CEL: variants seen among roughly 807,000 people sequenced by gnomAD.
The protein encoded by CEL is carboxyl ester lipase.
A neutral mutation model predicts 57.1 loss-of-function variants in CEL; 39 were observed. The observed-to-expected ratio is 0.68, with a 90% confidence interval of 0.53 to 0.89. The LOEUF is 0.89. Ranked by LOEUF, CEL falls within the 40% of genes least tolerant of loss-of-function variation. The pLI, the probability that CEL is intolerant of heterozygous loss-of-function variation, is 0.00. For synonymous variants in CEL, 314 were observed against 396.6 expected (o/e 0.79, Z 2.48); for missense variants, 698 against 915.0 (o/e 0.76, Z 3.06).
At position 133,066,450 on chromosome 9, in the gene CEL, C is replaced by T; in HGVS notation, c.539-80C>T. ...CAACTCTGTTGAGGGCATTTCCACC[C>T]CACCTATGCTGATCTCCCCTCCTGG... On this transcript the variant is annotated intron_variant, in intron 4 of 10. Transcript: ENST00000372080. This position sits in a 1 kb window ranked among gnomAD's most constrained non-coding sequence, Gnocchi z 4.3. The T allele has an allele frequency of 6.3e-7, 1 of 1,577,456 alleles. No individual in the cohort carries two copies. Among genetic ancestry groups the T allele is most frequent in the Non-Finnish European group, 8.7e-7 (1 of 1,152,176 alleles).
Position 133,064,672 on chromosome 9 carries a change from T to C in CEL, c.250T>C (p.Cys84Arg). 1 of 1,614,000 alleles carries C rather than the reference T, an allele frequency of 6.2e-7. No homozygotes were observed. The highest frequency in any genetic ancestry group is 8.5e-7 in the Non-Finnish European group (1 of 1,179,990). Reference sequence around the variant, plus strand: ...GAAGGCCAAGAACTTCAAGAAGAGATGCCTGCAGGCCACCATCACCCAGGA... The same window carrying C: ...GAAGGCCAAGAACTTCAAGAAGAGACGCCTGCAGGCCACCATCACCCAGGA... Reference protein sequence around the residue: ...TLKAKNFKKRCLQATITQDST... With the variant: ...TLKAKNFKKRRLQATITQDST... The change falls in exon 3 of 11, where the codon TGC becomes CGC. Residue 84 changes from cysteine to arginine, a missense_variant. Physicochemically the swap from Cys to Arg is radical, Grantham distance 180 (BLOSUM62 -3). Coordinates refer to ENST00000372080, the MANE Select transcript of CEL (RefSeq NM_001807.6).
Position 133,065,197 on chromosome 9 carries a change from C to T in CEL, c.498C>T (p.Gly166=), listed in dbSNP as rs777445709. 1.2e-6 allele frequency: 2 copies of T among 1,613,746 alleles called. No individual in the cohort carries two copies. Among genetic ancestry groups the T allele is most frequent in the East Asian group, 2.2e-5 (1 of 44,886 alleles). ...VIVVTFNYRV[G]PLGFLSTGDA... ...TGGTCACCTTCAACTACCGTGTCGG[C>T]CCCCTTGGGTTCCTCAGCACTGGGG... The change falls in exon 4 of 11, where the codon GGC becomes GGT. Residue 166 remains glycine, a synonymous_variant. Coordinates refer to ENST00000372080, the MANE Select transcript of CEL (RefSeq NM_001807.6).
In CEL at chr9:133,066,448, C is replaced by T. The variant is rs1467151669; in HGVS notation, c.539-82C>T. 9.5e-6 allele frequency: 15 copies of T among 1,574,104 alleles called. No individual in the cohort carries two copies. Among genetic ancestry groups the T allele is most frequent in the Middle Eastern group, 1.8e-4 (1 of 5,486 alleles). On this transcript the variant is annotated intron_variant, in intron 4 of 10. Transcript: ENST00000372080. This position sits in a 1 kb window ranked among gnomAD's most constrained non-coding sequence, Gnocchi z 4.3. ...CCCAACTCTGTTGAGGGCATTTCCA[C>T]CCCACCTATGCTGATCTCCCCTCCT...
intron 3 of CEL, 21 bp from the exon 4 acceptor site, chr9:133,065,019 C>T: frequency 2.5e-6 from 4 of 1,609,240 alleles, no homozygotes; most frequent in African/African-American, 1.3e-5. Context: ...TCTGGGGTCA[C>T]CAGCCGCTCC....
At chr9:133,063,327 C>T (rs1830121454) in intron 1 of CEL, among the ~76,000 whole-genome samples, 1 of 152,182 alleles carries the variant, frequency 6.6e-6, no homozygotes, top group African/African-American at 2.4e-5. Flanking sequence ...GCCACTGGCA[C>T]AAGGAGACAC....
chr9:133,071,785 C>G lies in CEL; in HGVS notation c.*21C>G, dbSNP rs1588493501. Reference sequence around the variant, plus strand: ...TTTAGCGTCCCATGAGCCTTGGTATCAAGAGGCCACAAGAGTGGGACCCCA... The same window carrying G: ...TTTAGCGTCCCATGAGCCTTGGTATGAAGAGGCCACAAGAGTGGGACCCCA... On this transcript the variant is annotated 3_prime_UTR_variant, in exon 11 of 11. Coordinates refer to ENST00000372080, the MANE Select transcript of CEL (RefSeq NM_001807.6). The G allele has an allele frequency of 1.2e-6, 2 of 1,606,214 alleles. No homozygotes were observed. Among genetic ancestry groups the G allele is most frequent in the Non-Finnish European group, 8.5e-7 (1 of 1,174,438 alleles).
chr9:133,071,130 C>A lies in CEL; in HGVS notation c.1628C>A (p.Thr543Asn). The A allele has an allele frequency of 1.2e-6, 2 of 1,609,432 alleles. No individual in the cohort carries two copies. The highest frequency in any genetic ancestry group is 2.2e-5 in the East Asian group (1 of 44,834). The change falls in exon 11 of 11, where the codon ACC becomes AAC. Residue 543 changes from threonine to asparagine, a missense_variant. Physicochemically the swap from Thr to Asn is moderately conservative, Grantham distance 65. Transcript: ENST00000372080. The stretch of plus-strand genomic sequence containing the variant: ...AGAACCAACTTCCTGCGCTACTGGA[C>A]CCTCACCTATCTGGCGCTGCCCACA... ...SLRTNFLRYWTLTYLALPTVT... is the reference protein window; with the variant it reads ...SLRTNFLRYWNLTYLALPTVT...
rs377333792 is a variant in CEL, at chr9:133,067,762, A to T, written c.895+557A>T. 2.6e-5 allele frequency among the ~76,000 whole-genome samples: 4 copies of T among 152,154 alleles called. No homozygotes were observed. The South Asian group carries it at 8.3e-4, about 32-fold the overall frequency. On this transcript the variant is annotated intron_variant, in intron 7 of 10. Transcript: ENST00000372080. Reference sequence around the variant, plus strand: ...GCCCCCTCCCCCACCTCATGCATTCATATGCAGTCATTTGCATATAATTTT... The same window carrying T: ...GCCCCCTCCCCCACCTCATGCATTCTTATGCAGTCATTTGCATATAATTTT...
intron 1 of CEL, among the ~76,000 whole-genome samples, chr9:133,063,446 A>C (rs1830123824): frequency 6.6e-6 from 1 of 152,030 alleles, no homozygotes; most frequent in African/African-American, 2.4e-5. Context: ...GGGGCCCATC[A>C]CCCTAGACTT....
intron 10 of CEL, 152 bp downstream of exon 10, chr9:133,070,810 G>A: frequency 8.0e-7 from 1 of 1,257,076 alleles, no homozygotes. Flanking sequence ...GAGGATGAGA[G>A]TTACTGGCAG....
chr9:133,067,916 AC>A (rs1001277329), intron 7 of CEL, among the ~76,000 whole-genome samples: 5 of 152,076 alleles, frequency 3.3e-5, no homozygotes, highest in African/African-American at 1.2e-4. Flanking sequence ...ACTATTCTGT[AC>A]CCCGGGAAGG....
rs780297231 is a variant in CEL at position 133,064,692 on chromosome 9, C to T, written c.270C>T (p.Thr90=). 4 of 1,614,140 alleles carry T rather than the reference C, an allele frequency of 2.5e-6. No individual in the cohort carries two copies. The South Asian group carries it at 3.3e-5, about 13-fold the overall frequency. Residue 90 remains threonine, a synonymous_variant, in exon 3 of 11, where the codon ACC becomes ACT. Coordinates refer to ENST00000372080, the MANE Select transcript of CEL (RefSeq NM_001807.6). ...AGAGATGCCTGCAGGCCACCATCAC[C>T]CAGGACAGCACCTACGGGGATGAAG... ...FKKRCLQATI[T]QDSTYGDEDC... is the part of the protein sequence containing the mutation.
In CEL at chr9:133,071,336, G is replaced by A. The variant is rs1322454680; in HGVS notation, c.1834G>A (p.Ala612Thr). The A allele has an allele frequency of 1.5e-4, 53 of 349,364 alleles. 1 individual carries two copies. The highest frequency in any genetic ancestry group is 5.3e-4 in the African/African-American group (5 of 9,486). The allele number at this position is 349,364 out of a possible 1,614,324, so 21.6% of individuals were successfully genotyped here. Residue 612 changes from alanine (A) to threonine (T), a missense_variant, in exon 11 of 11, where the codon GCC becomes ACC. Ala to Thr is a moderately conservative substitution (Grantham distance 58). Around this residue, in one of 6 missense-constraint regions of CEL, gnomAD observed 238 missense variants for 213.7 expected, o/e 1.11. Transcript: ENST00000372080. ...PPVPPTGDSGAPPVPPTGDSG... is the reference protein window; with the variant it reads ...PPVPPTGDSGTPPVPPTGDSG... ...CGTGCCGCCCACGGGTGACTCCGGG[G>A]CCCCCCCCGTGCCGCCCACGGGTGA... is the stretch of plus-strand genomic sequence containing the variant.
Position 133,070,219 on chromosome 9 carries a change from G to A in CEL, c.1287-242G>A, listed in dbSNP as rs1830238883. Among the ~76,000 whole-genome samples, 8 of 147,554 alleles carry A rather than the reference G, an allele frequency of 5.4e-5. No individual in the cohort carries two copies. In the Admixed American group the frequency reaches 5.5e-4, roughly 10 times the overall value. On this transcript the variant is annotated intron_variant, in intron 9 of 10. Coordinates refer to ENST00000372080, the MANE Select transcript of CEL (RefSeq NM_001807.6). ...TATTTCTTGATACTGAATTCTAGAA[G>A]GAAGGTGCCTCACAATGTTTTGTGG...
At chr9:133,065,786 C>T (rs1272084568) in intron 4 of CEL, among the ~76,000 whole-genome samples, 3 of 140,320 alleles carry the variant, frequency 2.1e-5, no homozygotes, top group African/African-American at 8.0e-5. Flanking sequence ...GCGGAGGTTG[C>T]GGTGAGCCGA....
chr9:133,067,305 G>A, intron 7 of CEL, 100 bp downstream of exon 7: 2 of 1,100,198 alleles, frequency 1.8e-6, no homozygotes, highest in South Asian at 1.3e-5. Context: ...TGCCAGAGCT[G>A]CGGTCTTGTC....
Position 133,066,849 on chromosome 9 carries a change from C to T in CEL, c.681C>T (p.Pro227=), listed in dbSNP as rs1382264598. ...GASVSLQTLS[P]YNKGLIRRAI... ...TCTGGGTCCCGTAGACCCTCTCCCC[C>T]TACAACAAGGGCCTCATCCGGCGAG... The change falls in exon 6 of 11, where the codon CCC becomes CCT. Residue 227 remains proline, a synonymous_variant. Coordinates refer to ENST00000372080, the MANE Select transcript of CEL (RefSeq NM_001807.6). The surrounding 1 kb of genome is among the most constrained non-coding windows in gnomAD (Gnocchi z 4.3). The T allele has an allele frequency of 1.9e-6, 3 of 1,612,392 alleles. No homozygotes were observed. Among genetic ancestry groups the T allele is most frequent in the Non-Finnish European group, 2.5e-6 (3 of 1,179,558 alleles).
At position 133,067,262 on chromosome 9, in the gene CEL, C is replaced by T. The variant is rs867846320; in HGVS notation, c.895+57C>T. ...CTCGAGGTGGGGGTTGAGGGGGGTACTGCCAGGGAGTACTCCGGAGGAGAG... is the reference window on the plus strand; with the variant it reads ...CTCGAGGTGGGGGTTGAGGGGGGTATTGCCAGGGAGTACTCCGGAGGAGAG... On this transcript the variant is annotated intron_variant, in intron 7 of 10. Coordinates refer to ENST00000372080, the MANE Select transcript of CEL (RefSeq NM_001807.6). The T allele has an allele frequency of 2.7e-6, 4 of 1,485,040 alleles. No homozygotes were observed. In the African/African-American group the frequency reaches 5.5e-5, roughly 20 times the overall value. The allele number at this position is 1,485,040 out of a possible 1,614,324, so 92.0% of individuals were successfully genotyped here.
chr9:133,064,883 G>A lies in CEL; in HGVS notation c.340+121G>A, dbSNP rs1307903364. On this transcript the variant is annotated intron_variant, in intron 3 of 10. Coordinates refer to ENST00000372080, the MANE Select transcript of CEL (RefSeq NM_001807.6). ...CCATGAAATCCCACAGAGGCGGGGA[G>A]GGGAGCGCCCACTGCCGTTGCCCAG... 2.6e-5 allele frequency: 41 copies of A among 1,562,110 alleles called. No individual in the cohort carries two copies. In the East Asian group the frequency reaches 8.9e-4, roughly 34 times the overall value.
Sources: allele counts gnomAD v4.1 joint callset (sites outside exome capture counted in the v4.1 genomes callset), GRCh38; gene constraint gnomAD v4.1.1; regional missense constraint gnomAD v4.1.1; non-coding constraint Gnocchi (gnomAD v3.1); transcripts MANE v1.5; gene names NCBI Gene and HGNC (gene_info 2026-07-23, HGNC 2026-07-21).